The following C4orf50 variants were observed in gnomAD, a reference collection of about 807,000 sequenced individuals.
C4orf50 encodes the protein chromosome 4 open reading frame 50.
Under a neutral mutation model 77.2 loss-of-function variants are expected in C4orf50, and 80 were observed. The observed-to-expected ratio is 1.04, with a 90% CI of 0.87 to 1.25. The LOEUF (loss-of-function observed/expected upper bound fraction) is 1.25, where lower values mean the gene tolerates loss of function less well. Among genes scored for constraint, C4orf50 ranks in the 50% most tolerant of loss-of-function variants. The pLI, the probability that C4orf50 is intolerant of heterozygous loss-of-function variation, is 0.00. For synonymous variants in C4orf50, 532 were observed against 465.3 expected (o/e 1.14, Z -1.84); for missense variants, 1,257 against 1,152.9 (o/e 1.09, Z -1.31).
Position 5,919,906 on chromosome 4 carries a change from T to C in C4orf50, c.*2475-21718A>G, listed in dbSNP as rs1224103745. On this transcript the variant is annotated intron_variant, in intron 7 of 7. Transcript: ENST00000324058. This position sits in a 1 kb window ranked among gnomAD's most constrained non-coding sequence, Gnocchi z 6.5. ...ATCCATCGATTCAACCAACCAGGGA[T>C]TGAAAATACTCAAAGAAAACTTAGT... 2.0e-5 allele frequency among the ~76,000 whole-genome samples: 3 copies of C among 152,222 alleles called. No homozygotes were observed. Among genetic ancestry groups the C allele is most frequent in the East Asian group, 1.9e-4 (1 of 5,194 alleles).
intron 7 of C4orf50, among the ~76,000 whole-genome samples, chr4:5,946,910 G>C (rs369605758): frequency 2.2e-4 from 33 of 152,324 alleles, no homozygotes; most frequent in African/African-American, 7.5e-4. Context: ...CTATTTCTTT[G>C]TGGCACTACA....
At position 6,017,986 on chromosome 4, in the gene C4orf50, G is replaced by A. The variant is rs957615408; in HGVS notation, c.287+159C>T. On this transcript the variant is annotated intron_variant, in intron 23 of 33. Coordinates refer to ENST00000531445, the Ensembl canonical transcript of C4orf50. The surrounding 1 kb of genome is among the most constrained non-coding windows in gnomAD (Gnocchi z 4.7). ...AGGTACAGAGCAGAAGAAGGAGGGC[G>A]GGAGGAGCAGAAGGCAAGTGACTGC... Among the ~76,000 whole-genome samples the A allele has an allele frequency of 2.9e-4, 44 of 152,276 alleles. No homozygotes were observed. Among genetic ancestry groups the A allele is most frequent in the African/African-American group, 7.2e-4 (30 of 41,556 alleles).
rs756033714 is a variant in C4orf50 at position 5,988,449 on chromosome 4, A to C, written c.3597T>G (p.Ser1199Arg). ...AATGTGCTTCTTTCACTTCTGCTCC[A>C]CTGACATTTCCTTGCAGGGCATTGG... is the stretch of plus-strand genomic sequence containing the variant. Residue 1199 changes from serine (S) to arginine (R), a missense_variant, in exon 28 of 34, where the codon AGT becomes AGG. Physicochemically the swap from Ser to Arg is moderately radical, Grantham distance 110. Coordinates refer to ENST00000531445, the Ensembl canonical transcript of C4orf50. 1.9e-6 allele frequency: 3 copies of C among 1,591,816 alleles called. No homozygotes were observed. The Admixed American group carries it at 5.3e-5, about 28-fold the overall frequency.
rs1219899827 is a variant in C4orf50 at position 5,975,164 on chromosome 4, A to C, written c.3921+735T>G. 5.0e-3 allele frequency among the ~76,000 whole-genome samples: 681 copies of C among 135,362 alleles called. 26 individuals carry two copies. The highest frequency in any genetic ancestry group is 0.019 in the African/African-American group (651 of 35,186). 88.8% of individuals were successfully genotyped at this position (135,362 alleles called of 152,430 possible). ...CAAAAAAAAAAAAAAAAAAAAAAAA[A>C]AAAAAAAAAAAAAACTACATCACAG... On this transcript the variant is annotated intron_variant, in intron 30 of 33. Coordinates refer to ENST00000531445, the Ensembl canonical transcript of C4orf50.
rs956033201 is a variant in C4orf50 at position 6,004,788 on chromosome 4, G to A, written c.963+3208C>T. Among the ~76,000 whole-genome samples the A allele has an allele frequency of 4.0e-5, 6 of 150,362 alleles. No individual in the cohort carries two copies. In the East Asian group the frequency reaches 1.2e-3, roughly 30 times the overall value. ...GACAGTGATGACGGCGATGGTGATGGTGGTGATGGTGATGGTGATGTTGGT... is the reference window on the plus strand; with the variant it reads ...GACAGTGATGACGGCGATGGTGATGATGGTGATGGTGATGGTGATGTTGGT... On this transcript the variant is annotated intron_variant, in intron 25 of 33. Transcript: ENST00000531445.
intron 31 of C4orf50, among the ~76,000 whole-genome samples, chr4:5,971,763 G>A (rs751006766): frequency 6.6e-6 from 1 of 152,112 alleles, no homozygotes; most frequent in Non-Finnish European, 1.5e-5. Flanking sequence ...CTTTCTCATA[G>A]GATATTTAAA....
intron 31 of C4orf50, among the ~76,000 whole-genome samples, chr4:5,971,418 C>G (rs893668518): frequency 1.3e-5 from 2 of 152,204 alleles, no homozygotes; most frequent in East Asian, 3.9e-4. Context: ...CCTCCCCCGA[C>G]TCCTCCCCTG....
exon 34 of C4orf50, chr4:5,959,384 T>C (rs753576191): frequency 4.3e-6 from 7 of 1,613,324 alleles, no homozygotes; most frequent in Non-Finnish European, 5.9e-6. Flanking sequence ...ATTACATTTC[T>C]AACTCCAGCG....
chr4:5,913,361 T>TGGAA (rs1393735209), intron 7 of C4orf50, among the ~76,000 whole-genome samples: 2 of 152,098 alleles, frequency 1.3e-5, no homozygotes, highest in Non-Finnish European at 1.5e-5. Flanking sequence ...GCCTGGGGAA[T>TGGAA]GGCAGGCAGG....
chr4:5,995,734 G>A (rs1721548032), intron 25 of C4orf50, among the ~76,000 whole-genome samples: 1 of 152,226 alleles, frequency 6.6e-6, no homozygotes, highest in Admixed American at 6.5e-5. Flanking sequence ...CTTAATAAAT[G>A]TTTCATCATT....
At position 5,945,589 on chromosome 4, in the gene C4orf50, G is replaced by A. The variant is rs115325136; in HGVS notation, c.*2474+11312C>T. 4.7e-3 allele frequency among the ~76,000 whole-genome samples: 716 copies of A among 152,220 alleles called. 3 individuals are homozygous for A. The highest frequency in any genetic ancestry group is 0.016 in the African/African-American group (685 of 41,538). ...GTCGGGGCAGTGGGATCTCTTCCAA[G>A]GCCTTCACCTTGGAGAGGAGGAAAC... On this transcript the variant is annotated intron_variant, in intron 7 of 7. Transcript: ENST00000324058.
At chr4:6,005,982 C>G (rs544647706) in intron 25 of C4orf50, among the ~76,000 whole-genome samples, 1 of 152,276 alleles carries the variant, frequency 6.6e-6, no homozygotes, top group East Asian at 1.9e-4. Flanking sequence ...AGGAAAATTA[C>G]AGAGAGAATT....
chr4:5,989,616 C>T (rs963069580), exon 28 of C4orf50: 2 of 1,536,000 alleles, frequency 1.3e-6, no homozygotes, highest in African/African-American at 2.7e-5. Context: ...AACAAGCCTC[C>T]ACGTCCTGTG....
At chr4:5,982,817 C>T (rs1208546389) in intron 28 of C4orf50, among the ~76,000 whole-genome samples, 1 of 151,888 alleles carries the variant, frequency 6.6e-6, no homozygotes, top group Non-Finnish European at 1.5e-5. Flanking sequence ...GGAGGAGAGG[C>T]CCCCCAGCAG....
chr4:5,916,706 A>G lies in C4orf50; in HGVS notation c.*2475-18518T>C, dbSNP rs537873021. Among the ~76,000 whole-genome samples the G allele has an allele frequency of 1.3e-5, 2 of 152,244 alleles. No homozygotes were observed. Among genetic ancestry groups the G allele is most frequent in the Admixed American group, 1.3e-4 (2 of 15,292 alleles). On this transcript the variant is annotated intron_variant, in intron 7 of 7. Coordinates refer to the C4orf50 transcript ENST00000324058. The surrounding 1 kb of genome is among the most constrained non-coding windows in gnomAD (Gnocchi z 4.4). ...TGAGACAGGGAGGGCAGAGAAGACAATATCCAGATGGGTACTGAGGTCACT... is the reference window on the plus strand; with the variant it reads ...TGAGACAGGGAGGGCAGAGAAGACAGTATCCAGATGGGTACTGAGGTCACT...
intron 7 of C4orf50, among the ~76,000 whole-genome samples, chr4:5,937,791 T>C (rs1315636194): frequency 6.6e-6 from 1 of 152,090 alleles, no homozygotes; most frequent in Non-Finnish European, 1.5e-5. Context: ...CATATTGACA[T>C]TAAACAAAAT....
intron 7 of C4orf50, among the ~76,000 whole-genome samples, chr4:5,910,216 T>C (rs1716744487): frequency 6.6e-6 from 1 of 152,162 alleles, no homozygotes; most frequent in African/African-American, 2.4e-5. Flanking sequence ...CAAGAGAAAC[T>C]GTTCATGAGA....
At chr4:5,915,664 G>A (rs181338297) in intron 7 of C4orf50, among the ~76,000 whole-genome samples, 6 of 152,268 alleles carry the variant, frequency 3.9e-5, no homozygotes, top group South Asian at 2.1e-4. Context: ...CTGAGTGGTC[G>A]GTAGCATCAC....
At position 5,942,309 on chromosome 4, in the gene C4orf50, G is replaced by A. The variant is rs73795126; in HGVS notation, c.*2474+14592C>T. On this transcript the variant is annotated intron_variant, in intron 7 of 7. Transcript: ENST00000324058. ...AGGGTGGTCTGGGCACAGTCCAAGGGCTTGGGGGTCATACAGGACCCAAAG... is the reference window on the plus strand; with the variant it reads ...AGGGTGGTCTGGGCACAGTCCAAGGACTTGGGGGTCATACAGGACCCAAAG... Among the ~76,000 whole-genome samples, 915 of 152,308 alleles carry A rather than the reference G, an allele frequency of 6.0e-3. 7 individuals carry two copies. The highest frequency in any genetic ancestry group is 0.021 in the African/African-American group (875 of 41,566).
Sources: gnomAD v4.1 joint callset for allele counts (sites outside exome capture counted in the v4.1 genomes callset) on GRCh38, gnomAD v4.1.1 for gene constraint, Gnocchi (gnomAD v3.1) non-coding constraint, MANE v1.5 for transcripts, NCBI Gene and HGNC (gene_info 2026-07-23, HGNC 2026-07-21) for gene names.